The following BMP7 variants were observed in gnomAD, a reference collection of about 807,000 sequenced individuals.
The protein encoded by BMP7 is osteogenic protein 1.
BMP7 carries 12 observed loss-of-function variants against 41.2 expected under a neutral mutation model. The ratio of observed to expected loss-of-function variants is 0.29; its 90% CI spans 0.19 to 0.47. BMP7 has a LOEUF of 0.47. Among genes scored for constraint, BMP7 ranks in the 20% least tolerant of loss-of-function variants. The pLI is 0.99. For synonymous variants in BMP7, 248 were observed against 250.0 expected (o/e 0.99, Z 0.07); for missense variants, 467 against 606.0 (o/e 0.77, Z 2.41).
intron 3 of BMP7, among the ~76,000 whole-genome samples, chr20:57,193,340 C>G (rs6070024): frequency 0.4 from 61,428 of 151,974 alleles, 14,440 homozygotes; most frequent in South Asian, 0.56. Context: ...CGTAACTGAG[C>G]AGTTGCTACT....
intron 1 of BMP7, among the ~76,000 whole-genome samples, chr20:57,255,175 C>T (rs980814377): frequency 2.0e-5 from 3 of 152,154 alleles, no homozygotes; most frequent in African/African-American, 7.2e-5. Context: ...CTATTCGATA[C>T]CCCACAGGTT....
chr20:57,253,898 G>T (rs976525345), intron 1 of BMP7, among the ~76,000 whole-genome samples: 4 of 151,794 alleles, frequency 2.6e-5, no homozygotes, highest in African/African-American at 9.7e-5. Flanking sequence ...ACATTGCTGT[G>T]TAACTGTCAA....
rs188947465 is a variant in BMP7, at chr20:57,228,812, T to C, written c.419-391A>G. On this transcript the variant is annotated intron_variant, in intron 1 of 6. Coordinates refer to ENST00000395863, the MANE Select transcript of BMP7 (RefSeq NM_001719.3). The surrounding 1 kb of genome is among the most constrained non-coding windows in gnomAD (Gnocchi z 4.5). ...AACAGAAAACCTCTATGGAACCCAA[T>C]TTCATCATCTAAAAAATGGGGATTG... 3.0e-4 allele frequency among the ~76,000 whole-genome samples: 45 copies of C among 152,330 alleles called. No homozygotes were observed. In the East Asian group the frequency reaches 8.3e-3, roughly 28 times the overall value.
chr20:57,184,066 G>T, intron 3 of BMP7, 147 bp from the exon 4 acceptor site: 1 of 951,080 alleles, frequency 1.1e-6, no homozygotes, highest in Non-Finnish European at 1.6e-6. Context: ...CTCACTCTAG[G>T]CCAGGTACTG....
chr20:57,262,489 T>C (rs758091731), intron 1 of BMP7, among the ~76,000 whole-genome samples: 6 of 152,174 alleles, frequency 3.9e-5, no homozygotes, highest in Admixed American at 6.5e-5. Context: ...GTTTCCCCTC[T>C]AGTTTAGATC....
At position 57,225,661 on chromosome 20, in the gene BMP7, G is replaced by A. The variant is rs187183654; in HGVS notation, c.611+2568C>T. ...ACATCATAGGGGCATCTTGGTTCTAGGTTGAAAAACAAAACAACCTGTCCA... is the reference window on the plus strand; with the variant it reads ...ACATCATAGGGGCATCTTGGTTCTAAGTTGAAAAACAAAACAACCTGTCCA... On this transcript the variant is annotated intron_variant, in intron 2 of 6. Transcript: ENST00000395863. Among the ~76,000 whole-genome samples the A allele has an allele frequency of 7.1e-4, 108 of 152,150 alleles. 1 individual carries two copies. Among genetic ancestry groups the A allele is most frequent in the African/African-American group, 2.5e-3 (102 of 41,498 alleles).
At chr20:57,178,701 T>TGG (rs571555445) in intron 4 of BMP7, among the ~76,000 whole-genome samples, 1 of 151,742 alleles carries the variant, frequency 6.6e-6, no homozygotes, top group Non-Finnish European at 1.5e-5. Flanking sequence ...CTCTTCCCTG[T>TGG]GGGGGGGTAG....
chr20:57,181,851 C>G (rs1390884017), intron 4 of BMP7, among the ~76,000 whole-genome samples: 1 of 152,236 alleles, frequency 6.6e-6, no homozygotes, highest in African/African-American at 2.4e-5. Context: ...CTACACAGAG[C>G]CCGCGTATTG....
intron 2 of BMP7, among the ~76,000 whole-genome samples, chr20:57,206,193 C>T (rs184079505): frequency 2.0e-4 from 31 of 152,290 alleles, no homozygotes; most frequent in African/African-American, 5.3e-4. Context: ...CTGGCCTCCC[C>T]GGCCCAGCCC....
chr20:57,250,267 C>A (rs557056975), intron 1 of BMP7, among the ~76,000 whole-genome samples: 1 of 128,264 alleles, frequency 7.8e-6, no homozygotes, highest in South Asian at 2.4e-4. Flanking sequence ...CCAATTTCTA[C>A]AAAAATATAT....
chr20:57,209,247 TTTTATATATATA>T lies in BMP7; in HGVS notation c.612-6636_612-6625del, dbSNP rs1420198324. ...TAAACAAATACCTAGATTTATATAT[TTTTATATATATA>T]TATATATATATATATATATATATAT... On this transcript the variant is annotated intron_variant, in intron 2 of 6. Transcript: ENST00000395863. 5.0e-3 allele frequency among the ~76,000 whole-genome samples: 349 copies of T among 69,860 alleles called. 5 individuals carry two copies. The highest frequency in any genetic ancestry group is 0.018 in the African/African-American group (339 of 19,320). The allele number at this position is 69,860 out of a possible 152,430, so 45.8% of individuals were successfully genotyped here.
intron 1 of BMP7, among the ~76,000 whole-genome samples, chr20:57,252,608 C>T (rs1258920702): frequency 2.6e-5 from 4 of 152,238 alleles, no homozygotes; most frequent in Non-Finnish European, 2.9e-5. Flanking sequence ...ACAATGCTTG[C>T]TCGTTAGAGA....
intron 1 of BMP7, among the ~76,000 whole-genome samples, chr20:57,237,832 G>A (rs555192075): frequency 1.1e-4 from 17 of 152,344 alleles, no homozygotes; most frequent in African/African-American, 3.4e-4. Flanking sequence ...CGTGAGAGCC[G>A]TCAGTTGTAC....
At chr20:57,252,382 C>T (rs572599513) in intron 1 of BMP7, among the ~76,000 whole-genome samples, 6 of 152,148 alleles carry the variant, frequency 3.9e-5, no homozygotes, top group East Asian at 3.9e-4. Flanking sequence ...CAGGGAGACA[C>T]GGGAAAATAT....
intron 1 of BMP7, among the ~76,000 whole-genome samples, chr20:57,255,258 G>A (rs967897927): frequency 6.6e-6 from 1 of 152,190 alleles, no homozygotes; most frequent in Admixed American, 6.5e-5. Flanking sequence ...CTTCCTAGCT[G>A]TGCATGTTTG....
chr20:57,222,951 ACTACACTTTGGGCTCAGT>A (rs1985223903), intron 2 of BMP7, among the ~76,000 whole-genome samples: 1 of 151,864 alleles, frequency 6.6e-6, no homozygotes, highest in Admixed American at 6.6e-5. Context: ...TGTGGTCTGG[ACTACACTTTGGGCTCAGT>A]CTCATGGGAA....
intron 2 of BMP7, 41 bp from the exon 3 acceptor site, chr20:57,202,664 G>GGA: frequency 6.2e-7 from 1 of 1,601,304 alleles, no homozygotes; most frequent in Non-Finnish European, 8.5e-7. Flanking sequence ...GCGTTAGCCA[G>GGA]GTCACAGCTC....
At position 57,265,942 on chromosome 20, in the gene BMP7, T is replaced by C; in HGVS notation, c.181A>G (p.Ile61Val). The change falls in exon 1 of 7, where the codon ATT (isoleucine) becomes GTT (valine). Residue 61 changes from isoleucine to valine, a missense_variant. Physicochemically the swap from Ile to Val is conservative, Grantham distance 29. This residue lies in a region of BMP7 where 407 missense variants were observed against 485.9 expected (regional missense o/e 0.84). Coordinates refer to ENST00000395863, the MANE Select transcript of BMP7 (RefSeq NM_001719.3). ...CGCGGGCGGTGGGGCAAGCCCAAAATGGAGAGGATCTCGCGCTGCATCTCC... is the reference window on the plus strand; with the variant it reads ...CGCGGGCGGTGGGGCAAGCCCAAAACGGAGAGGATCTCGCGCTGCATCTCC... ...RREMQREILSILGLPHRPRPH... is the reference protein window; with the variant it reads ...RREMQREILSVLGLPHRPRPH... The C allele has an allele frequency of 6.4e-7, 1 of 1,554,214 alleles. No homozygotes were observed. Among genetic ancestry groups the C allele is most frequent in the Non-Finnish European group, 8.7e-7 (1 of 1,148,698 alleles).
intron 1 of BMP7, among the ~76,000 whole-genome samples, chr20:57,256,117 G>A (rs1026484712): frequency 5.3e-5 from 8 of 152,210 alleles, no homozygotes; most frequent in African/African-American, 1.9e-4. Context: ...CAGTGAGATG[G>A]AAGCCTCCAG....
Sources: gnomAD v4.1 joint callset for allele counts (sites outside exome capture counted in the v4.1 genomes callset) on GRCh38, gnomAD v4.1.1 for gene constraint, gnomAD v4.1.1 regional missense constraint, Gnocchi (gnomAD v3.1) non-coding constraint, MANE v1.5 for transcripts, NCBI Gene and HGNC (gene_info 2026-07-23, HGNC 2026-07-21) for gene names.